TAS2R1: variants seen among roughly 807,000 people sequenced by gnomAD.
TAS2R1 encodes taste receptor type 2 member 1.
For synonymous variants in TAS2R1, 141 were observed against 134.2 expected, an observed-to-expected ratio of 1.05 and a Z score of -0.35; for missense variants, 370 against 353.4, an observed-to-expected ratio of 1.05 and a Z score of -0.38.
At chr5:9,776,929 T>G in the TAS2R1 span, among the ~76,000 whole-genome samples, 1 of 152,248 alleles carries the variant, frequency 6.6e-6, no homozygotes, top group African/African-American at 2.4e-5. Context: ...TGCACTATAA[T>G]GTAGTCTATT....
At chr5:9,895,382 G>T in the TAS2R1 span, among the ~76,000 whole-genome samples, 1 of 152,212 alleles carries the variant, frequency 6.6e-6, no homozygotes, top group Non-Finnish European at 1.5e-5. Context: ...TGGCACAGAT[G>T]AAGGGACCGC....
chr5:9,801,340 C>T, the TAS2R1 span, among the ~76,000 whole-genome samples: 1 of 152,188 alleles, frequency 6.6e-6, no homozygotes, highest in Non-Finnish European at 1.5e-5. Flanking sequence ...GTTCTTTAAG[C>T]CACTCAGTCT....
At chr5:9,710,941 A>T (rs1259984296) in intron 1 of TAS2R1, among the ~76,000 whole-genome samples, 1 of 143,960 alleles carries the variant, frequency 6.9e-6, no homozygotes, top group Non-Finnish European at 1.5e-5. Context: ...ATAATATATT[A>T]TATATAATAT....
chr5:9,809,433 G>A, the TAS2R1 span, among the ~76,000 whole-genome samples: 2 of 152,048 alleles, frequency 1.3e-5, no homozygotes, highest in Non-Finnish European at 2.9e-5. Context: ...GGTCATGAAG[G>A]TAGACCCTCC....
At chr5:9,774,457 G>C in the TAS2R1 span, among the ~76,000 whole-genome samples, 1 of 152,178 alleles carries the variant, frequency 6.6e-6, no homozygotes, top group Non-Finnish European at 1.5e-5. Flanking sequence ...GTGAGATCAC[G>C]TTTTCCTGGA....
At chr5:9,667,113 T>C (rs999682330) in intron 1 of TAS2R1, among the ~76,000 whole-genome samples, 2 of 152,216 alleles carry the variant, frequency 1.3e-5, no homozygotes, top group East Asian at 1.9e-4. Flanking sequence ...AATACATGCA[T>C]ACCATGTGCC....
chr5:9,660,285 C>T (rs1561371833), intron 1 of TAS2R1, among the ~76,000 whole-genome samples: 1 of 140,030 alleles, frequency 7.1e-6, no homozygotes, highest in Non-Finnish European at 1.5e-5. Context: ...ACTGTGTTAG[C>T]CAGGATGGTC....
the TAS2R1 span, among the ~76,000 whole-genome samples, chr5:9,783,490 C>T: frequency 3.2e-4 from 49 of 152,312 alleles, no homozygotes; most frequent in African/African-American, 1.2e-3. Context: ...AGCTGGGGTT[C>T]TACTTAAACA....
the TAS2R1 span, among the ~76,000 whole-genome samples, chr5:9,851,087 G>A: frequency 6.6e-6 from 1 of 152,164 alleles, no homozygotes; most frequent in Non-Finnish European, 1.5e-5. Context: ...GTCTATTGCT[G>A]CCTGCAAGAC....
At chr5:9,672,171 C>A (rs992211671) in intron 1 of TAS2R1, among the ~76,000 whole-genome samples, 1 of 152,056 alleles carries the variant, frequency 6.6e-6, no homozygotes, top group Non-Finnish European at 1.5e-5. Flanking sequence ...AATATAAAAC[C>A]TAAAACTGTA....
chr5:9,670,693 G>T (rs1740732559), intron 1 of TAS2R1, among the ~76,000 whole-genome samples: 1 of 152,234 alleles, frequency 6.6e-6, no homozygotes, highest in East Asian at 1.9e-4. Flanking sequence ...TGGATTCACA[G>T]CCAAATTCTA....
At position 9,628,446 on chromosome 5, in the gene TAS2R1, C is replaced by G. The variant is rs1739798589; in HGVS notation, c.*687G>C. Reference sequence around the variant, plus strand: ...ATTCAGTCCTCTACTCCTCCTCCTCCTCCATCTGTCTTCCCCTTTATCAGT... The same window carrying G: ...ATTCAGTCCTCTACTCCTCCTCCTCGTCCATCTGTCTTCCCCTTTATCAGT... On this transcript the variant is annotated 3_prime_UTR_variant, in exon 1 of 1. Transcript: ENST00000382492. Among the ~76,000 whole-genome samples the G allele has an allele frequency of 6.6e-6, 1 of 152,228 alleles. No individual in the cohort carries two copies. The highest frequency in any genetic ancestry group is 1.5e-5 in the Non-Finnish European group (1 of 68,042).
the TAS2R1 span, among the ~76,000 whole-genome samples, chr5:9,888,782 G>T: frequency 1.2e-4 from 18 of 152,334 alleles, no homozygotes; most frequent in East Asian, 3.5e-3. Flanking sequence ...GACTCACAGA[G>T]GAGGCAAGGG....
chr5:9,802,179 C>T, the TAS2R1 span, among the ~76,000 whole-genome samples: 7 of 152,226 alleles, frequency 4.6e-5, no homozygotes. Flanking sequence ...GTCTACTTTA[C>T]TCCCCTGCTA....
intron 1 of TAS2R1, among the ~76,000 whole-genome samples, chr5:9,689,590 T>C (rs1401214393): frequency 6.6e-6 from 1 of 152,292 alleles, no homozygotes; most frequent in African/African-American, 2.4e-5. Flanking sequence ...CTTGGACTCT[T>C]CTTCCACAGA....
rs2126471408 is a variant in TAS2R1 at position 9,628,209 on chromosome 5, A to G, written c.*924T>C. 6.6e-6 allele frequency among the ~76,000 whole-genome samples: 1 copy of G among 151,940 alleles called. No homozygotes were observed. Among genetic ancestry groups the G allele is most frequent in the East Asian group, 1.9e-4 (1 of 5,152 alleles). On this transcript the variant is annotated 3_prime_UTR_variant, in exon 1 of 1. Coordinates refer to ENST00000382492, the MANE Select transcript of TAS2R1 (RefSeq NM_019599.3). ...ATTCAAAATCTCAACCAAACAGAAA[A>G]TGCATTTGTGACTTGAAGCAGACGG...
chr5:9,672,112 C>T (rs1579777304), intron 1 of TAS2R1, among the ~76,000 whole-genome samples: 1 of 152,112 alleles, frequency 6.6e-6, no homozygotes, highest in Non-Finnish European at 1.5e-5. Context: ...TGCCGGACCC[C>T]TTCCTTACAT....
the TAS2R1 span, among the ~76,000 whole-genome samples, chr5:9,742,176 C>T: frequency 3.9e-5 from 6 of 152,290 alleles, no homozygotes; most frequent in South Asian, 4.1e-4. Flanking sequence ...TGAGCCACCA[C>T]GTCTGGCCTG....
chr5:9,797,191 C>T, the TAS2R1 span, among the ~76,000 whole-genome samples: 1 of 152,154 alleles, frequency 6.6e-6, no homozygotes, highest in East Asian at 1.9e-4. Context: ...GCCTCCTCCC[C>T]GGGGAAGACT....
Sources: gnomAD v4.1 joint callset for allele counts (sites outside exome capture counted in the v4.1 genomes callset) on GRCh38, gnomAD v4.1.1 for gene constraint, MANE v1.5 for transcripts, NCBI Gene and HGNC (gene_info 2026-07-23, HGNC 2026-07-21) for gene names.